HSP90AA1: variants seen among roughly 807,000 people sequenced by gnomAD.
The protein encoded by HSP90AA1 is heat shock protein HSP 90-alpha.
In HSP90AA1, 18 loss-of-function variants were observed where a neutral mutation model predicts 73.3. That is an observed-to-expected ratio of 0.25 (90% CI 0.17 to 0.36). HSP90AA1 has a LOEUF of 0.36. Ranked by LOEUF, HSP90AA1 falls within the 10% of genes least tolerant of loss-of-function variation. The pLI, the probability that HSP90AA1 is intolerant of heterozygous loss-of-function variation, is 1.00. For synonymous variants in HSP90AA1, 477 were observed against 296.9 expected (o/e 1.61, Z -6.24); for missense variants, 704 against 874.2 (o/e 0.81, Z 2.45).
intron 1 of HSP90AA1, among the ~76,000 whole-genome samples, chr14:102,108,263 CAA>C (rs34157305): frequency 2.5e-5 from 2 of 79,870 alleles, no homozygotes; most frequent in Non-Finnish European, 2.3e-5. Context: ...ACCTTGTCTC[CAA>C]AAAAAAAAAA....
At chr14:102,081,865 G>C in intron 10 of HSP90AA1, 44 bp from the exon 11 acceptor site, 1 of 958,204 alleles carries the variant, frequency 1.0e-6, no homozygotes, top group Non-Finnish European at 1.7e-6. Flanking sequence ...ATTTCTTAAA[G>C]CCAGCTATTA....
At chr14:102,138,218 TTC>T (rs908494692) in intron 1 of HSP90AA1, among the ~76,000 whole-genome samples, 4 of 151,790 alleles carry the variant, frequency 2.6e-5, no homozygotes, top group Admixed American at 6.6e-5. Flanking sequence ...CTGGGTTTTT[TTC>T]CCCCCCCAAA....
chr14:102,136,282 G>C (rs2049992576), intron 1 of HSP90AA1, among the ~76,000 whole-genome samples: 1 of 152,116 alleles, frequency 6.6e-6, no homozygotes, highest in Non-Finnish European at 1.5e-5. Flanking sequence ...GAAATACCCG[G>C]TTTGGGCCGG....
At chr14:102,085,240 A>G in intron 4 of HSP90AA1, 58 bp downstream of exon 4, 1 of 1,557,644 alleles carries the variant, frequency 6.4e-7, no homozygotes, top group Non-Finnish European at 8.8e-7. Flanking sequence ...AGGATGTAGT[A>G]CAGTCACCCC....
At position 102,081,063 on chromosome 14, in the gene HSP90AA1, G is replaced by C. The variant is rs1288661133; in HGVS notation, c.*649C>G. ...TCACACAATATCTTTTAACTCATCT[G>C]TATTTGTTACAACTTTAAGCAGAAT... On this transcript the variant is annotated 3_prime_UTR_variant, in exon 11 of 11. Transcript: ENST00000216281. 8.8e-6 allele frequency: 2 copies of C among 227,938 alleles called. No individual in the cohort carries two copies. Among genetic ancestry groups the C allele is most frequent in the African/African-American group, 4.4e-5 (2 of 44,978 alleles). The allele number at this position is 227,938 out of a possible 1,614,324, so 14.1% of individuals were successfully genotyped here.
At chr14:102,085,150 G>A in intron 4 of HSP90AA1, 148 bp downstream of exon 4, 2 of 1,466,190 alleles carry the variant, frequency 1.4e-6, no homozygotes, top group Admixed American at 1.8e-5. Flanking sequence ...CCACTTAATA[G>A]CCCGAGGAAC....
At chr14:102,134,845 T>C (rs984389001) in intron 1 of HSP90AA1, among the ~76,000 whole-genome samples, 1 of 152,182 alleles carries the variant, frequency 6.6e-6, no homozygotes, top group Non-Finnish European at 1.5e-5. Context: ...TTGCCAATGC[T>C]AGCTCGGGCA....
At chr14:102,134,029 T>TA (rs2049944457) in intron 1 of HSP90AA1, among the ~76,000 whole-genome samples, 1 of 151,846 alleles carries the variant, frequency 6.6e-6, no homozygotes, top group South Asian at 2.1e-4. Context: ...CGGGCGCCTG[T>TA]AGTCCCAGCT....
intron 1 of HSP90AA1, among the ~76,000 whole-genome samples, chr14:102,136,120 T>C (rs948338136): frequency 6.6e-6 from 1 of 152,240 alleles, no homozygotes; most frequent in African/African-American, 2.4e-5. Context: ...TGAAAGTTTT[T>C]GGACAAAAGA....
chr14:102,113,414 G>A lies in HSP90AA1; in HGVS notation c.156-11329C>T, dbSNP rs182204244. ...GACAGAGTCTCACTACGTCACCCAG[G>A]CTGGAGTGAAGTATAGAGTGCAATG... On this transcript the variant is annotated intron_variant, in intron 1 of 11. Coordinates refer to the HSP90AA1 transcript ENST00000334701. 1.1e-4 allele frequency among the ~76,000 whole-genome samples: 17 copies of A among 151,618 alleles called. No individual in the cohort carries two copies. In the East Asian group the frequency reaches 3.1e-3, roughly 28 times the overall value.
chr14:102,130,792 C>T (rs1245317718), intron 1 of HSP90AA1, among the ~76,000 whole-genome samples: 1 of 152,072 alleles, frequency 6.6e-6, no homozygotes, highest in East Asian at 1.9e-4. Flanking sequence ...TGTAGTGGTG[C>T]AATCACAGCT....
chr14:102,134,215 G>C (rs1450362054), intron 1 of HSP90AA1, among the ~76,000 whole-genome samples: 1 of 150,308 alleles, frequency 6.7e-6, no homozygotes, highest in African/African-American at 2.4e-5. Flanking sequence ...GCACATGCCT[G>C]CAGTCCCAGC....
At chr14:102,091,023 G>A (rs1288637918), upstream of HSP90AA1, among the ~76,000 whole-genome samples, 1 of 152,180 alleles carries the variant, frequency 6.6e-6, no homozygotes, top group Non-Finnish European at 1.5e-5. Context: ...GCATAGACAT[G>A]AACATGTCTT....
intron 2 of HSP90AA1, among the ~76,000 whole-genome samples, chr14:102,092,137 T>C (rs1293649021): frequency 6.6e-6 from 1 of 151,924 alleles, no homozygotes; most frequent in Non-Finnish European, 1.5e-5. Flanking sequence ...CGCGTGCTCT[T>C]GGCTCACTGC....
chr14:102,131,810 G>A (rs2049909989), intron 1 of HSP90AA1, among the ~76,000 whole-genome samples: 1 of 152,140 alleles, frequency 6.6e-6, no homozygotes, highest in Admixed American at 6.6e-5. Context: ...ACTTAGTTGT[G>A]CTCATTGCCT....
chr14:102,123,246 A>C (rs1252878070), intron 1 of HSP90AA1, among the ~76,000 whole-genome samples: 3 of 151,982 alleles, frequency 2.0e-5, no homozygotes, highest in Admixed American at 6.6e-5. Flanking sequence ...AATACAAAAA[A>C]TTAGCCGAGC....
intron 3 of HSP90AA1, 151 bp from the exon 4 acceptor site, chr14:102,085,582 C>T (rs2049208958): frequency 8.3e-7 from 1 of 1,203,426 alleles, no homozygotes; most frequent in Non-Finnish European, 1.2e-6. Flanking sequence ...CAAGGTGCCT[C>T]GCCCAAAAGA....
At position 102,083,969 on chromosome 14, in the gene HSP90AA1, C is replaced by A. The variant is rs1276529428; in HGVS notation, c.1162G>T (p.Val388Leu). 1.2e-6 allele frequency: 2 copies of A among 1,613,460 alleles called. No individual in the cohort carries two copies. The highest frequency in any genetic ancestry group is 2.7e-5 in the African/African-American group (2 of 74,928). The change falls in exon 7 of 11, where the codon GTG (valine) becomes TTG (leucine). Residue 388 changes from valine (V) to leucine (L), a missense_variant. Val to Leu is a conservative substitution (Grantham distance 32). Coordinates refer to ENST00000216281, the MANE Select transcript of HSP90AA1 (RefSeq NM_005348.4). ...IPEYLNFIRG[V>L]VDSEDLPLNI... is the part of the protein sequence containing the mutation. ...AGAGGGAGATCCTCCGAGTCTACCACCCCTCTAATGAAGTCTGAAAAAAAT... is the reference window on the plus strand; with the variant it reads ...AGAGGGAGATCCTCCGAGTCTACCAACCCTCTAATGAAGTCTGAAAAAAAT...
intron 1 of HSP90AA1, among the ~76,000 whole-genome samples, chr14:102,105,155 T>C (rs1449163187): frequency 7.7e-6 from 1 of 129,052 alleles, no homozygotes; most frequent in Non-Finnish European, 1.6e-5. Flanking sequence ...TTGCAGTGAG[T>C]GAGAACGTGC....
Sources: allele counts gnomAD v4.1 joint callset (sites outside exome capture counted in the v4.1 genomes callset), GRCh38; gene constraint gnomAD v4.1.1; transcripts MANE v1.5; gene names NCBI Gene and HGNC (gene_info 2026-07-23, HGNC 2026-07-21).